Variants in TMEM132D observed in about 807,000 individuals in gnomAD.
TMEM132D encodes the protein transmembrane protein 132D.
A neutral mutation model predicts 62.3 loss-of-function variants in TMEM132D; 21 were observed. That is an observed-to-expected ratio of 0.34 (90% CI 0.24 to 0.49). The LOEUF (loss-of-function observed/expected upper bound fraction) is 0.49, where lower values mean the gene tolerates loss of function less well. Ranked by LOEUF, TMEM132D falls within the 20% of genes least tolerant of loss-of-function variation. The pLI is 0.99. For synonymous variants in TMEM132D, 621 were observed against 575.6 expected, an observed-to-expected ratio of 1.08 and a Z score of -1.13; for missense variants, 1,346 against 1,402.8, an observed-to-expected ratio of 0.96 and a Z score of 0.65.
chr12:129,758,659 T>C (rs957906281), intron 1 of TMEM132D, among the ~76,000 whole-genome samples: 11 of 152,216 alleles, frequency 7.2e-5, no homozygotes, highest in African/African-American at 2.2e-4. Flanking sequence ...ATAACAGATA[T>C]GAAATTTGGC....
At chr12:129,458,060 A>G (rs1873536709) in intron 3 of TMEM132D, among the ~76,000 whole-genome samples, 1 of 152,170 alleles carries the variant, frequency 6.6e-6, no homozygotes, top group Non-Finnish European at 1.5e-5. Flanking sequence ...TGAGCCTCTG[A>G]TAATATCGTA....
At chr12:129,321,005 C>T (rs184707036) in intron 4 of TMEM132D, among the ~76,000 whole-genome samples, 2 of 150,002 alleles carry the variant, frequency 1.3e-5, no homozygotes, top group East Asian at 1.9e-4. Context: ...TACCTGTCAT[C>T]TATCTCTGTA....
chr12:129,154,917 C>T (rs1877189834), intron 5 of TMEM132D, among the ~76,000 whole-genome samples: 1 of 152,190 alleles, frequency 6.6e-6, no homozygotes, highest in Admixed American at 6.5e-5. Context: ...ACTGAAAAGA[C>T]ACTTTCTCAG....
At chr12:129,395,155 A>G (rs1280018677) in intron 3 of TMEM132D, among the ~76,000 whole-genome samples, 2 of 152,198 alleles carry the variant, frequency 1.3e-5, no homozygotes, top group African/African-American at 4.8e-5. Context: ...TTCATTATGG[A>G]AAACTAGAGG....
At chr12:129,774,850 C>T (rs1214075719) in intron 1 of TMEM132D, among the ~76,000 whole-genome samples, 1 of 152,198 alleles carries the variant, frequency 6.6e-6, no homozygotes, top group South Asian at 2.1e-4. Context: ...CTACCGCTTT[C>T]GGCAGCATGA....
intron 5 of TMEM132D, among the ~76,000 whole-genome samples, chr12:129,131,063 T>C (rs1241748225): frequency 6.6e-6 from 1 of 152,206 alleles, no homozygotes; most frequent in Non-Finnish European, 1.5e-5. Context: ...AACACTCATT[T>C]GGGAGACCTA....
chr12:129,721,339 C>T (rs1868822010), intron 1 of TMEM132D, among the ~76,000 whole-genome samples: 1 of 152,142 alleles, frequency 6.6e-6, no homozygotes, highest in African/African-American at 2.4e-5. Flanking sequence ...TCTGGATGTG[C>T]TTTGTGCTGA....
At chr12:129,698,538 AG>A (rs1881264946) in intron 2 of TMEM132D, among the ~76,000 whole-genome samples, 1 of 19,338 alleles carries the variant, frequency 5.2e-5, no homozygotes, top group Non-Finnish European at 9.9e-5. Context: ...GGAGAGGGGA[AG>A]GGAGGGGAGG....
At chr12:129,703,922 G>A (rs1372112069) in intron 1 of TMEM132D, among the ~76,000 whole-genome samples, 2 of 39,952 alleles carry the variant, frequency 5.0e-5, no homozygotes, top group Non-Finnish European at 1.5e-4. Context: ...TACGGTAATA[G>A]GCAAAAAAAA....
intron 5 of TMEM132D, among the ~76,000 whole-genome samples, chr12:129,101,592 T>G (rs1025438527): frequency 2.0e-5 from 3 of 152,200 alleles, no homozygotes; most frequent in Non-Finnish European, 4.4e-5. Flanking sequence ...CAGTCAGAGC[T>G]ACACTCTACG....
chr12:129,276,045 G>GTTTC (rs1880997866), intron 4 of TMEM132D, among the ~76,000 whole-genome samples: 1 of 152,022 alleles, frequency 6.6e-6, no homozygotes, highest in African/African-American at 2.4e-5. Flanking sequence ...TTGTTTGTTT[G>GTTTC]TTTGTTTGTT....
intron 8 of TMEM132D, among the ~76,000 whole-genome samples, chr12:129,076,771 C>G (rs1453726937): frequency 2.0e-5 from 3 of 152,184 alleles, no homozygotes; most frequent in Non-Finnish European, 2.9e-5. Context: ...AACCATGGAG[C>G]AAATCTCAGG....
intron 3 of TMEM132D, among the ~76,000 whole-genome samples, chr12:129,496,669 T>TC (rs1696938893): frequency 1.0e-5 from 1 of 97,580 alleles, no homozygotes; most frequent in African/African-American, 5.8e-5. Context: ...GCAACTTACA[T>TC]TAAAAAAAAA....
intron 1 of TMEM132D, among the ~76,000 whole-genome samples, chr12:129,861,856 A>G (rs1392020138): frequency 6.6e-6 from 1 of 151,920 alleles, no homozygotes; most frequent in African/African-American, 2.4e-5. Context: ...TGTAGAACCT[A>G]AGATTGGCCT....
At chr12:129,363,349 G>C (rs1429300770) in intron 3 of TMEM132D, among the ~76,000 whole-genome samples, 2 of 152,168 alleles carry the variant, frequency 1.3e-5, no homozygotes, top group East Asian at 3.9e-4. Flanking sequence ...AATAAGTGAC[G>C]AGCAAAGACC....
At chr12:129,706,607 T>A (rs183258010) in intron 1 of TMEM132D, among the ~76,000 whole-genome samples, 245 of 151,976 alleles carry the variant, frequency 1.6e-3, no homozygotes, top group Middle Eastern at 6.9e-3. Context: ...AATAATGACA[T>A]GAAGATATAA....
intron 5 of TMEM132D, among the ~76,000 whole-genome samples, chr12:129,118,145 G>C (rs1875950390): frequency 6.6e-6 from 1 of 152,184 alleles, no homozygotes; most frequent in South Asian, 2.1e-4. Context: ...TAAAAATACA[G>C]CTCAGAAATA....
intron 3 of TMEM132D, among the ~76,000 whole-genome samples, chr12:129,458,466 A>C (rs941115976): frequency 6.6e-6 from 1 of 151,894 alleles, no homozygotes; most frequent in African/African-American, 2.4e-5. Flanking sequence ...ACACAAGCTA[A>C]ATTTGTTAAG....
At chr12:129,444,553 C>G (rs556810135) in intron 3 of TMEM132D, among the ~76,000 whole-genome samples, 161 of 152,254 alleles carry the variant, frequency 1.1e-3, no homozygotes, top group African/African-American at 3.8e-3. Context: ...CACCTGTCAG[C>G]CCATTGCCTA....
Sources: allele counts gnomAD v4.1 joint callset (sites outside exome capture counted in the v4.1 genomes callset), GRCh38; gene constraint gnomAD v4.1.1; transcripts MANE v1.5; gene names NCBI Gene and HGNC (gene_info 2026-07-23, HGNC 2026-07-21).